The following CACNA1B variants were observed in gnomAD, a reference collection of about 807,000 sequenced individuals.
The protein encoded by CACNA1B is voltage-dependent N-type calcium channel subunit alpha-1B.
Under a neutral mutation model 247.2 loss-of-function variants are expected in CACNA1B, and 70 were observed. That is an observed-to-expected ratio of 0.28 (90% CI 0.23 to 0.35). The LOEUF is 0.35. CACNA1B is among the 10% of genes least tolerant of loss of function. The pLI is 1.00. For missense variants in CACNA1B, 2,367 were observed against 3,197.4 expected, an observed-to-expected ratio of 0.74 and a Z score of 6.26; for synonymous variants, 1,231 against 1,294.4, an observed-to-expected ratio of 0.95 and a Z score of 1.05.
At position 137,925,186 on chromosome 9, in the gene CACNA1B, C is replaced by A. The variant is rs189886161; in HGVS notation, c.966+7755C>A. Among the ~76,000 whole-genome samples the A allele has an allele frequency of 5.8e-3, 876 of 152,344 alleles. 13 individuals are homozygous for A. The highest frequency in any genetic ancestry group is 5.0e-3 in the Non-Finnish European group (339 of 68,042). On this transcript the variant is annotated intron_variant, in intron 6 of 46. Coordinates refer to ENST00000371372, the MANE Select transcript of CACNA1B (RefSeq NM_000718.4). ...AATAAGTTCAACGATGTATTACCTA[C>A]AGATCGGCAGGGAGGGCACCGTGAG...
intron 20 of CACNA1B, among the ~76,000 whole-genome samples, chr9:138,025,871 AAGG>A (rs1420876929): frequency 6.6e-6 from 1 of 152,150 alleles, no homozygotes. Flanking sequence ...CATGGGCATC[AAGG>A]AGGAGCCCTC....
chr9:137,879,036 A>G lies in CACNA1B; in HGVS notation c.285-18A>G. ...TCCCTCCGTGCGGCGTCTGCCGGCC[A>G]GTCCTTAACTCACGCACTCCATTCG... On this transcript the variant is annotated intron_variant, in intron 1 of 46. Coordinates refer to ENST00000371372, the MANE Select transcript of CACNA1B (RefSeq NM_000718.4). 1.3e-6 allele frequency: 2 copies of G among 1,560,748 alleles called. No individual in the cohort carries two copies. Among genetic ancestry groups the G allele is most frequent in the East Asian group, 2.3e-5 (1 of 44,224 alleles).
At position 137,888,260 on chromosome 9, in the gene CACNA1B, C is replaced by T. The variant is rs1300440497; in HGVS notation, c.530+5377C>T. On this transcript the variant is annotated intron_variant, in intron 3 of 46. Transcript: ENST00000371372. This position sits in a 1 kb window ranked among gnomAD's most constrained non-coding sequence, Gnocchi z 4.7. ...CCGTGGTGCCTCCGGAGTCTGTCAC[C>T]CATCGGCGCAGGTGCCTTTCCCCTT... Among the ~76,000 whole-genome samples, 1 of 151,984 alleles carries T rather than the reference C, an allele frequency of 6.6e-6. No individual in the cohort carries two copies.
intron 15 of CACNA1B, among the ~76,000 whole-genome samples, chr9:137,988,198 C>A (rs934231527): frequency 6.6e-6 from 1 of 152,240 alleles, no homozygotes; most frequent in African/African-American, 2.4e-5. Context: ...ACGGGGAGGT[C>A]ACAGGCCTGG....
rs1244179967 is a variant in CACNA1B, at chr9:137,974,781, T to C, written c.1544-1126T>C. On this transcript the variant is annotated intron_variant, in intron 11 of 46. Transcript: ENST00000371372. This position sits in a 1 kb window ranked among gnomAD's most constrained non-coding sequence, Gnocchi z 4.5. ...GGCCGAGCTGGACTCTGCCCAGTTGTGGACTCTCAGGGGCCTGCCCTTCAT... is the reference window on the plus strand; with the variant it reads ...GGCCGAGCTGGACTCTGCCCAGTTGCGGACTCTCAGGGGCCTGCCCTTCAT... 1.3e-5 allele frequency among the ~76,000 whole-genome samples: 2 copies of C among 152,242 alleles called. No individual in the cohort carries two copies. Among genetic ancestry groups the C allele is most frequent in the Non-Finnish European group, 2.9e-5 (2 of 68,036 alleles).
Position 138,050,101 on chromosome 9 carries a change from C to T in CACNA1B, c.3710+786C>T. On this transcript the variant is annotated intron_variant, in intron 24 of 46. Coordinates refer to ENST00000371372, the MANE Select transcript of CACNA1B (RefSeq NM_000718.4). The surrounding 1 kb of genome is among the most constrained non-coding windows in gnomAD (Gnocchi z 5.2). ...AGCTTCGTGGGGTAATGCCTTCTCT[C>T]CCCCACACGCTGCCCCTGACATCAC... 7.8e-7 allele frequency: 1 copy of T among 1,287,972 alleles called. No homozygotes were observed. Among genetic ancestry groups the T allele is most frequent in the South Asian group, 1.2e-5 (1 of 80,990 alleles). 79.8% of individuals were successfully genotyped at this position (1,287,972 alleles called of 1,614,324 possible).
intron 37 of CACNA1B, among the ~76,000 whole-genome samples, chr9:138,101,413 A>G (rs938134763): frequency 3.3e-5 from 5 of 152,220 alleles, no homozygotes; most frequent in African/African-American, 1.2e-4. Context: ...GAGTGCACAG[A>G]AAGCTTTCTG....
intron 6 of CACNA1B, among the ~76,000 whole-genome samples, chr9:137,923,441 C>T (rs1166304661): frequency 5.7e-5 from 5 of 87,542 alleles, no homozygotes; most frequent in African/African-American, 1.5e-4. Context: ...TATTCCGTGG[C>T]TCCAGGTGGT....
In CACNA1B at chr9:137,878,223, C is replaced by T. The variant is rs766736504; in HGVS notation, c.284+6C>T. On this transcript the variant is annotated splice_donor_region_variant and intron_variant, in intron 1 of 46. Coordinates refer to ENST00000371372, the MANE Select transcript of CACNA1B (RefSeq NM_000718.4). ...AAGCGCATCACCGAGTGGCCATATC[C>T]TGCCGGGCGGGGCCGGGCGGGGCCG... 3 of 1,084,056 alleles carry T rather than the reference C, an allele frequency of 2.8e-6. No homozygotes were observed. The highest frequency in any genetic ancestry group is 3.5e-6 in the Non-Finnish European group (3 of 866,508). 67.2% of individuals were successfully genotyped at this position (1,084,056 alleles called of 1,614,324 possible). A position where few individuals can be genotyped will look rare whatever the true frequency, so the allele number is the denominator to read the frequency against.
At chr9:138,008,799 C>T (rs1958686966) in intron 16 of CACNA1B, among the ~76,000 whole-genome samples, 1 of 152,230 alleles carries the variant, frequency 6.6e-6, no homozygotes, top group East Asian at 1.9e-4. Context: ...TTGGCAGCTT[C>T]TGAGTCACTT....
At chr9:137,995,649 A>G (rs1411153495) in intron 15 of CACNA1B, among the ~76,000 whole-genome samples, 2 of 152,278 alleles carry the variant, frequency 1.3e-5, no homozygotes, top group East Asian at 1.9e-4. Flanking sequence ...AGAACCCAAA[A>G]GCAAATGCAA....
rs1286051449 is a variant in CACNA1B, at chr9:138,050,922, A to G, written c.3711-1170A>G. ...GAGAAGAAGGGGACCAGGGTGCCTG[A>G]GACGTGTAGCTCACTCTCCCTGCTC... is the stretch of plus-strand genomic sequence containing the variant. On this transcript the variant is annotated intron_variant, in intron 24 of 46. Coordinates refer to ENST00000371372, the MANE Select transcript of CACNA1B (RefSeq NM_000718.4). The surrounding 1 kb of genome is among the most constrained non-coding windows in gnomAD (Gnocchi z 5.2). Among the ~76,000 whole-genome samples the G allele has an allele frequency of 1.3e-5, 2 of 152,084 alleles. No individual in the cohort carries two copies. Among genetic ancestry groups the G allele is most frequent in the Non-Finnish European group, 2.9e-5 (2 of 68,002 alleles).
In CACNA1B at chr9:138,051,578, G is replaced by A. The variant is rs985497993; in HGVS notation, c.3711-514G>A. 2.7e-5 allele frequency among the ~76,000 whole-genome samples: 4 copies of A among 149,290 alleles called. No individual in the cohort carries two copies. Among genetic ancestry groups the A allele is most frequent in the Admixed American group, 1.4e-4 (2 of 14,666 alleles). On this transcript the variant is annotated intron_variant, in intron 24 of 46. Transcript: ENST00000371372. The surrounding 1 kb of genome is among the most constrained non-coding windows in gnomAD (Gnocchi z 4.3). ...TTTCTTACTCTCCTTCCCCTCTTCTGTCTTCCCGCTGTCGGTTTCACGTCA... is the reference window on the plus strand; with the variant it reads ...TTTCTTACTCTCCTTCCCCTCTTCTATCTTCCCGCTGTCGGTTTCACGTCA...
In CACNA1B at chr9:138,022,875, G is replaced by T. The variant is rs534758730; in HGVS notation, c.2268-136G>T. 137 of 1,183,404 alleles carry T rather than the reference G, an allele frequency of 1.2e-4. No homozygotes were observed. The African/African-American group carries it at 2.1e-3, about 18-fold the overall frequency. 73.3% of individuals were successfully genotyped at this position (1,183,404 alleles called of 1,614,324 possible). A position where few individuals can be genotyped will look rare whatever the true frequency, so the allele number is the denominator to read the frequency against. On this transcript the variant is annotated intron_variant, in intron 18 of 46. Coordinates refer to ENST00000371372, the MANE Select transcript of CACNA1B (RefSeq NM_000718.4). ...CCCCACCTGATCCGCGTCCCCCGAG[G>T]GGTGTGGGGGCTCCCGCGGCCACGC...
At chr9:137,945,982 C>A (rs1589024313) in intron 6 of CACNA1B, among the ~76,000 whole-genome samples, 1 of 152,234 alleles carries the variant, frequency 6.6e-6, no homozygotes, top group East Asian at 1.9e-4. Flanking sequence ...CTGTGCCTGG[C>A]TAATTTTTTT....
At chr9:137,965,328 C>T (rs1307941338) in intron 10 of CACNA1B, among the ~76,000 whole-genome samples, 1 of 152,250 alleles carries the variant, frequency 6.6e-6, no homozygotes, top group Non-Finnish European at 1.5e-5. Flanking sequence ...TGGTGGCCTG[C>T]CCTGCCCCTC....
chr9:137,913,153 T>G lies in CACNA1B; in HGVS notation c.531-27T>G, dbSNP rs764239436. 1 of 1,597,698 alleles carries G rather than the reference T, an allele frequency of 6.3e-7. No homozygotes were observed. Among genetic ancestry groups the G allele is most frequent in the East Asian group, 2.2e-5 (1 of 44,778 alleles). The stretch of plus-strand genomic sequence containing the variant: ...CCAGGCTCAATGTGGAAACCTTTAC[T>G]TCCCTTCTTCTCCTTGTTTCTGCCA... On this transcript the variant is annotated intron_variant, in intron 3 of 46. Transcript: ENST00000371372. The surrounding 1 kb of genome is among the most constrained non-coding windows in gnomAD (Gnocchi z 5.2).
intron 21 of CACNA1B, among the ~76,000 whole-genome samples, chr9:138,046,657 C>G (rs943643072): frequency 3.9e-5 from 6 of 152,248 alleles, no homozygotes; most frequent in African/African-American, 1.4e-4. Flanking sequence ...TTTGTTGACC[C>G]CTGCCATGAG....
In CACNA1B at chr9:138,054,690, C is replaced by T. The variant is rs898844470; in HGVS notation, c.3968+684C>T. On this transcript the variant is annotated intron_variant, in intron 26 of 46. Coordinates refer to ENST00000371372, the MANE Select transcript of CACNA1B (RefSeq NM_000718.4). This position sits in a 1 kb window ranked among gnomAD's most constrained non-coding sequence, Gnocchi z 4.6. The stretch of plus-strand genomic sequence containing the variant: ...TAGCAGTTTGGGGAGGTGTATCTGT[C>T]TGGTAGTGGAATTGCCGGGTCCTGG... 6.6e-6 allele frequency among the ~76,000 whole-genome samples: 1 copy of T among 152,204 alleles called. No homozygotes were observed. The highest frequency in any genetic ancestry group is 2.4e-5 in the African/African-American group (1 of 41,450).
Sources: gnomAD v4.1 joint callset for allele counts (sites outside exome capture counted in the v4.1 genomes callset) on GRCh38, gnomAD v4.1.1 for gene constraint, Gnocchi (gnomAD v3.1) non-coding constraint, MANE v1.5 for transcripts, NCBI Gene and HGNC (gene_info 2026-07-23, HGNC 2026-07-21) for gene names.